The following CLCC1 variants were observed in gnomAD, a reference collection of about 807,000 sequenced individuals.
CLCC1 encodes chloride channel CLIC-like protein 1.
In CLCC1, 39 loss-of-function variants were observed where a neutral mutation model predicts 63.3. The ratio of observed to expected loss-of-function variants is 0.62; its 90% CI spans 0.48 to 0.81. CLCC1 has a LOEUF of 0.81. CLCC1 is among the 30% of genes least tolerant of loss of function. CLCC1 has a pLI of 0.00. For synonymous variants in CLCC1, 217 were observed against 239.8 expected, an observed-to-expected ratio of 0.90 and a Z score of 0.88; for missense variants, 549 against 669.4, an observed-to-expected ratio of 0.82 and a Z score of 1.98.
chr1:108,957,785 T>C (rs1193948484), intron 2 of CLCC1, among the ~76,000 whole-genome samples: 1 of 151,406 alleles, frequency 6.6e-6, no homozygotes. Flanking sequence ...ATTATAAATA[T>C]GCAGGATGAA....
intron 2 of CLCC1, among the ~76,000 whole-genome samples, chr1:108,955,427 A>C (rs1655760246): frequency 3.3e-5 from 5 of 151,308 alleles, no homozygotes. Flanking sequence ...CCCTCTCCTG[A>C]ATCTGGGCTG....
rs1404457455 is a variant in CLCC1 at position 108,950,375 on chromosome 1, A to G, written c.63T>C (p.Asp21=). ...GCATGTCTGTGGGGTCAATCCAGTC[A>G]TCATCATGAGCATAACCAGCTACCA... is the stretch of plus-strand genomic sequence containing the variant. ...LLLVAGYAHD[D]DWIDPTDMLN... The change falls in exon 3 of 13, where the codon GAT becomes GAC. Residue 21 remains aspartate, a synonymous_variant. Coordinates refer to ENST00000369969, the MANE Select transcript of CLCC1 (RefSeq NM_001377458.1). The G allele has an allele frequency of 6.2e-7, 1 of 1,613,348 alleles. No homozygotes were observed. The highest frequency in any genetic ancestry group is 8.5e-7 in the Non-Finnish European group (1 of 1,179,496).
intron 2 of CLCC1, 117 bp from the exon 3 acceptor site, chr1:108,950,565 A>G: frequency 2.0e-6 from 1 of 489,792 alleles, no homozygotes; most frequent in Non-Finnish European, 3.0e-6. Flanking sequence ...TCTATTGCCC[A>G]GGCTGGAGTA....
rs150029224 is a variant in CLCC1 at position 108,934,784 on chromosome 1, C to T, written c.1542G>A (p.Lys514=). ...GNTEGSPAAE[K]AQLKSEAAGS... The stretch of plus-strand genomic sequence containing the variant: ...CTGCGGCTTCAGACTTGAGCTGGGC[C>T]TTTTCCGCTGCGGGTGAACCTTCTG... The change falls in exon 12 of 13, where the codon AAG becomes AAA. Residue 514 remains lysine, a synonymous_variant. Coordinates refer to ENST00000369969, the MANE Select transcript of CLCC1 (RefSeq NM_001377458.1). 1,127 of 1,614,050 alleles carry T rather than the reference C, an allele frequency of 7.0e-4. No individual in the cohort carries two copies. Among genetic ancestry groups the T allele is most frequent in the Non-Finnish European group, 8.8e-4 (1,033 of 1,180,036 alleles).
chr1:108,937,337 G>C lies in CLCC1; in HGVS notation c.1123C>G (p.Arg375Gly), dbSNP rs56223817. The C allele has an allele frequency of 6.2e-7, 1 of 1,614,148 alleles. No individual in the cohort carries two copies. The highest frequency in any genetic ancestry group is 1.3e-5 in the African/African-American group (1 of 75,064). ...GPESEPPQAL[R>G]PRDRRRQEEI... ...TCCTGCCGTCTTCTATCCCGTGGCCGAAGTGCCTGGGGAGGTTCGCTCTCA... is the reference window on the plus strand; with the variant it reads ...TCCTGCCGTCTTCTATCCCGTGGCCCAAGTGCCTGGGGAGGTTCGCTCTCA... The change falls in exon 11 of 13, where the codon CGG becomes GGG. Residue 375 changes from arginine to glycine, a missense_variant. Physicochemically the swap from Arg to Gly is moderately radical, Grantham distance 125. Transcript: ENST00000369969.
chr1:108,946,630 G>C (rs1324782738), intron 5 of CLCC1, among the ~76,000 whole-genome samples: 1 of 152,136 alleles, frequency 6.6e-6, no homozygotes, highest in Non-Finnish European at 1.5e-5. Flanking sequence ...CTTCTGGCAG[G>C]TGGGGCTAAT....
At chr1:108,948,472 C>T (rs898571596) in intron 4 of CLCC1, among the ~76,000 whole-genome samples, 4 of 152,072 alleles carry the variant, frequency 2.6e-5, no homozygotes, top group Admixed American at 2.6e-4. Context: ...GGAGTGTGGA[C>T]CATGAGTTGA....
At chr1:108,936,703 C>A (rs1430620874) in intron 11 of CLCC1, among the ~76,000 whole-genome samples, 1 of 152,166 alleles carries the variant, frequency 6.6e-6, no homozygotes, top group Non-Finnish European at 1.5e-5. Context: ...CTCTTCCATC[C>A]AGCTAATCCT....
At chr1:108,938,972 G>A (rs550268960) in intron 10 of CLCC1, among the ~76,000 whole-genome samples, 2 of 151,836 alleles carry the variant, frequency 1.3e-5, no homozygotes, top group Admixed American at 1.3e-4. Flanking sequence ...GGGGCAGAGG[G>A]GAGGAAAAAA....
Position 108,929,513 on chromosome 1 carries a change from T to A in CLCC1, c.*3034A>T, listed in dbSNP as rs1451090535. On this transcript the variant is annotated 3_prime_UTR_variant, in exon 13 of 13. Transcript: ENST00000369969. ...GGAAAAATTTTATGCAGTTTCAGGTTTAAAGATTATTTCTTTCAGAAATCA... is the reference window on the plus strand; with the variant it reads ...GGAAAAATTTTATGCAGTTTCAGGTATAAAGATTATTTCTTTCAGAAATCA... The A allele has an allele frequency of 3.2e-6, 2 of 627,250 alleles. No homozygotes were observed. The highest frequency in any genetic ancestry group is 5.5e-5 in the East Asian group (2 of 36,118). 38.9% of individuals were successfully genotyped at this position (627,250 alleles called of 1,614,324 possible). A position where few individuals can be genotyped will look rare whatever the true frequency, so the allele number is the denominator to read the frequency against.
rs1166188942 is a variant in CLCC1 at position 108,931,156 on chromosome 1, TA to T, written c.*1390del. 93 of 656,856 alleles carry T rather than the reference TA, an allele frequency of 1.4e-4. No individual in the cohort carries two copies. Among genetic ancestry groups the T allele is most frequent in the Non-Finnish European group, 2.0e-4 (83 of 421,834 alleles). 40.7% of individuals were successfully genotyped at this position (656,856 alleles called of 1,614,324 possible). ...CTGTAAAACAAACTTTTCTAAGTTC[TA>T]ATATAAAAACAAAAAACAAAACCCA... On this transcript the variant is annotated 3_prime_UTR_variant, in exon 13 of 13. Transcript: ENST00000369969.
Position 108,954,455 on chromosome 1 carries a change from G to A in CLCC1, c.-11-4007C>T, listed in dbSNP as rs147667074. ...ACGGAGGCTGCAGTGAGCCGAGATC[G>A]TGCCACTTCACTCCAGCCTAGGTGA... On this transcript the variant is annotated intron_variant, in intron 2 of 12. Transcript: ENST00000369969. Among the ~76,000 whole-genome samples the A allele has an allele frequency of 5.0e-4, 76 of 151,124 alleles. No individual in the cohort carries two copies. The East Asian group carries it at 0.01, about 21-fold the overall frequency.
Position 108,941,556 on chromosome 1 carries a change from A to G in CLCC1, c.703-58T>C. 4 of 1,304,440 alleles carry G rather than the reference A, an allele frequency of 3.1e-6. No homozygotes were observed. The South Asian group carries it at 4.9e-5, about 16-fold the overall frequency. 80.8% of individuals were successfully genotyped at this position (1,304,440 alleles called of 1,614,324 possible). A position where few individuals can be genotyped will look rare whatever the true frequency, so the allele number is the denominator to read the frequency against. On this transcript the variant is annotated intron_variant, in intron 7 of 12. Coordinates refer to ENST00000369969, the MANE Select transcript of CLCC1 (RefSeq NM_001377458.1). ...CGTTACCTATGAAGGTTAGGCCTAC[A>G]CATCCAAAAGACCTTCATTCAAAGA...
At chr1:108,934,338 T>C in intron 12 of CLCC1, 1 of 253,790 alleles carries the variant, frequency 3.9e-6, no homozygotes. Flanking sequence ...CCTGTAACAA[T>C]AAAATTTCTT....
chr1:108,951,697 A>G (rs1185511230), intron 2 of CLCC1, among the ~76,000 whole-genome samples: 1 of 152,164 alleles, frequency 6.6e-6, no homozygotes, highest in African/African-American at 2.4e-5. Context: ...GAGGTAATGA[A>G]AAATGTTCTA....
At position 108,962,424 on chromosome 1, in the gene CLCC1, G is replaced by A. The variant is rs1480700466; in HGVS notation, c.-127C>T. The A allele has an allele frequency of 6.6e-6, 1 of 152,098 alleles. No homozygotes were observed. The highest frequency in any genetic ancestry group is 1.5e-5 in the Non-Finnish European group (1 of 68,020). 9.4% of individuals were successfully genotyped at this position (152,098 alleles called of 1,614,324 possible). A position where few individuals can be genotyped will look rare whatever the true frequency, so the allele number is the denominator to read the frequency against. On this transcript the variant is annotated 5_prime_UTR_variant, in exon 2 of 13. The change creates a premature stop within an existing upstream ORF in the 5' untranslated region. Coordinates refer to ENST00000369969, the MANE Select transcript of CLCC1 (RefSeq NM_001377458.1). ...TCTTGGAACCATGGCTCTCAAACTT[G>A]CGAATTTGCATTTTTAACAATTTCC...
chr1:108,953,865 C>CCGAGCG (rs1473076946), intron 2 of CLCC1, among the ~76,000 whole-genome samples: 14 of 151,488 alleles, frequency 9.2e-5, no homozygotes, highest in African/African-American at 3.4e-4. Flanking sequence ...ACAAAATTAG[C>CCGAGCG]TGGGTATGGT....
chr1:108,952,012 A>G lies in CLCC1; in HGVS notation c.-11-1564T>C, dbSNP rs1226993829. On this transcript the variant is annotated intron_variant, in intron 2 of 12. Transcript: ENST00000369969. ...AGGCTGGTCTCAAACTCCTAGGCTC[A>G]AGCTATCCTCCCACCTCGGCCTCCC... 5.9e-5 allele frequency among the ~76,000 whole-genome samples: 9 copies of G among 152,246 alleles called. No individual in the cohort carries two copies. The East Asian group carries it at 1.7e-3, about 29-fold the overall frequency.
chr1:108,962,165 G>A (rs1236663782), intron 2 of CLCC1, 144 bp downstream of exon 2: 3 of 152,224 alleles, frequency 2.0e-5, no homozygotes, highest in African/African-American at 7.2e-5. Context: ...AGGGAGAGTA[G>A]TTTATAGTAG....
Sources: allele counts gnomAD v4.1 joint callset (sites outside exome capture counted in the v4.1 genomes callset), GRCh38; gene constraint gnomAD v4.1.1; transcripts MANE v1.5; gene names NCBI Gene and HGNC (gene_info 2026-07-23, HGNC 2026-07-21).